RABL2A: variants seen among roughly 807,000 people sequenced by gnomAD.
RABL2A encodes RAB, member of RAS oncogene family like 2A.
In RABL2A, 17 loss-of-function variants were observed where a neutral mutation model predicts 30.7. That is an observed-to-expected ratio of 0.55 (90% CI 0.38 to 0.83). The LOEUF (loss-of-function observed/expected upper bound fraction) is 0.83, where lower values mean the gene tolerates loss of function less well. RABL2A is among the 40% of genes least tolerant of loss of function. RABL2A has a pLI of 0.00. For missense variants in RABL2A, 155 were observed against 272.6 expected, an observed-to-expected ratio of 0.57 and a Z score of 3.04; for synonymous variants, 64 against 101.8, an observed-to-expected ratio of 0.63 and a Z score of 2.24.
intron 5 of RABL2A, chr2:113,635,610 C>T (rs1739510): frequency 0.17 from 39,029 of 224,614 alleles, 4,838 homozygotes; most frequent in African/African-American, 0.37. Context: ...GCAGTCCTCA[C>T]GGCTCCACCC....
At position 113,627,664 on chromosome 2, in the gene RABL2A, G is replaced by A. The variant is rs541033492; in HGVS notation, c.-54+264G>A. On this transcript the variant is annotated intron_variant, in intron 1 of 8. Transcript: ENST00000683472. ...TCTTCGCCCGTAAGCGGTGGCTCAC[G>A]CCTATAGTCCAGGGATGCCGAGGAG... is the stretch of plus-strand genomic sequence containing the variant. Among the ~76,000 whole-genome samples the A allele has an allele frequency of 1.3e-3, 204 of 152,352 alleles. 1 individual carries two copies. The highest frequency in any genetic ancestry group is 0.013 in the Admixed American group (203 of 15,308).
rs1173650368 is a variant in RABL2A, at chr2:113,632,941, G to C, written c.134G>C (p.Gly45Ala). The C allele has an allele frequency of 6.2e-7, 1 of 1,614,072 alleles. No homozygotes were observed. The highest frequency in any genetic ancestry group is 8.5e-7 in the Non-Finnish European group (1 of 1,180,046). Reference sequence around the variant, plus strand: ...CTCATGGAGAGATTTCTCATGGATGGCTTGTATCCTTCAAGGTTTGAAGTA... The same window carrying C: ...CTCATGGAGAGATTTCTCATGGATGCCTTGTATCCTTCAAGGTTTGAAGTA... ...SKLMERFLMD[G>A]FQPQQLSTYA... Residue 45 changes from glycine to alanine, a missense_variant, in exon 3 of 9, where the codon GGC (glycine) becomes GCC (alanine). Gly to Ala is a moderately conservative substitution (Grantham distance 60). Transcript: ENST00000683472.
At position 113,632,950 on chromosome 2, in the gene RABL2A, C is replaced by T; in HGVS notation, c.137+6C>T. 6.2e-7 allele frequency: 1 copy of T among 1,614,212 alleles called. No homozygotes were observed. Among genetic ancestry groups the T allele is most frequent in the Non-Finnish European group, 8.5e-7 (1 of 1,180,042 alleles). ...AGATTTCTCATGGATGGCTTGTATCCTTCAAGGTTTGAAGTACTCCTTGTT... is the reference window on the plus strand; with the variant it reads ...AGATTTCTCATGGATGGCTTGTATCTTTCAAGGTTTGAAGTACTCCTTGTT... On this transcript the variant is annotated splice_donor_region_variant and intron_variant, in intron 3 of 8. Coordinates refer to ENST00000683472, the MANE Select transcript of RABL2A (RefSeq NM_001306158.2).
At chr2:113,635,457 C>G (rs539265779) in intron 5 of RABL2A, 1 of 408,880 alleles carries the variant, frequency 2.4e-6, no homozygotes, top group African/African-American at 2.0e-5. Flanking sequence ...GACAAGCTCC[C>G]AAGGCCTCCC....
chr2:113,630,105 A>C (rs1679754911), intron 2 of RABL2A, among the ~76,000 whole-genome samples: 1 of 152,216 alleles, frequency 6.6e-6, no homozygotes, highest in Non-Finnish European at 1.5e-5. Context: ...CCTCATTTCA[A>C]ACAGTAACAA....
chr2:113,641,312 C>G, intron 6 of RABL2A, 41 bp from the exon 7 acceptor site: 1 of 1,613,668 alleles, frequency 6.2e-7, no homozygotes, highest in African/African-American at 1.3e-5. Flanking sequence ...AAACCTTCTT[C>G]CCTTCCCTTG....
At chr2:113,638,302 G>T (rs1161306512) in intron 5 of RABL2A, 1 of 985,272 alleles carries the variant, frequency 1.0e-6, no homozygotes, top group Non-Finnish European at 1.2e-6. Context: ...CACCACACAG[G>T]GCGAGCCCCT....
At position 113,643,030 on chromosome 2, in the gene RABL2A, C is replaced by T. The variant is rs895903383; in HGVS notation, c.*901C>T. ...GAGCTCTTCTAGGTAAAGCTGAGAT[C>T]ACAGGAACAGCAGGTGACAGGCCTA... On this transcript the variant is annotated 3_prime_UTR_variant, in exon 9 of 9. Coordinates refer to ENST00000683472, the MANE Select transcript of RABL2A (RefSeq NM_001306158.2). 7.4e-6 allele frequency: 3 copies of T among 402,866 alleles called. No individual in the cohort carries two copies. Among genetic ancestry groups the T allele is most frequent in the Non-Finnish European group, 1.4e-5 (3 of 207,068 alleles). The allele number at this position is 402,866 out of a possible 1,614,324, so 25.0% of individuals were successfully genotyped here. A position where few individuals can be genotyped will look rare whatever the true frequency, so the allele number is the denominator to read the frequency against.
At chr2:113,638,744 T>G (rs1683923834) in intron 5 of RABL2A, 1 of 216,068 alleles carries the variant, frequency 4.6e-6, no homozygotes, top group South Asian at 1.7e-4. Context: ...GGCGCGCACC[T>G]GTAATCCAGC....
At chr2:113,629,002 A>G (rs1232673348) in intron 2 of RABL2A, among the ~76,000 whole-genome samples, 1 of 151,420 alleles carries the variant, frequency 6.6e-6, no homozygotes, top group East Asian at 2.0e-4. Flanking sequence ...GAGGGATGGC[A>G]AGGGCGGGGA....
chr2:113,636,192 A>T (rs917802613), intron 5 of RABL2A, among the ~76,000 whole-genome samples: 1 of 152,176 alleles, frequency 6.6e-6, no homozygotes, highest in Non-Finnish European at 1.5e-5. Context: ...AACCCTAGCA[A>T]TTGTCACCAA....
chr2:113,636,117 C>G (rs968828679), intron 5 of RABL2A, among the ~76,000 whole-genome samples: 1 of 151,480 alleles, frequency 6.6e-6, no homozygotes, highest in Non-Finnish European at 1.5e-5. Context: ...TAAAAAAAAC[C>G]CACATTTTCA....
At chr2:113,638,892 A>AAAATAAAT in intron 5 of RABL2A, among the ~76,000 whole-genome samples, 1 of 151,616 alleles carries the variant, frequency 6.6e-6, no homozygotes, top group African/African-American at 2.4e-5. Context: ...ACTCCATCTC[A>AAAATAAAT]AAATAAATAA....
intron 5 of RABL2A, chr2:113,638,678 A>T (rs1324027218): frequency 8.3e-6 from 4 of 483,362 alleles, no homozygotes; most frequent in Non-Finnish European, 1.1e-5. Context: ...GACCAGCCTG[A>T]CCAACATGTT....
At chr2:113,637,481 T>C in intron 5 of RABL2A, 3 of 1,126,364 alleles carry the variant, frequency 2.7e-6, no homozygotes, top group Non-Finnish European at 3.3e-6. Flanking sequence ...AGGAACTGAC[T>C]GACTGGTAGG....
intron 5 of RABL2A, among the ~76,000 whole-genome samples, chr2:113,635,740 TC>T (rs1682395590): frequency 6.6e-6 from 1 of 152,176 alleles, no homozygotes; most frequent in Non-Finnish European, 1.5e-5. Flanking sequence ...ACCCGTGAAT[TC>T]CCTGGCTGCG....
At position 113,628,397 on chromosome 2, in the gene RABL2A, C is replaced by G. The variant is rs566381615; in HGVS notation, c.-53-157C>G. On this transcript the variant is annotated intron_variant, in intron 1 of 8. Transcript: ENST00000683472. ...ATTTGTGTATAACATATTACTGATG[C>G]CTGTGTGTCATCCTCTGCTACTCCA... 6.3e-5 allele frequency: 33 copies of G among 519,954 alleles called. No individual in the cohort carries two copies. In the East Asian group the frequency reaches 1.2e-3, roughly 18 times the overall value. The allele number at this position is 519,954 out of a possible 1,614,324, so 32.2% of individuals were successfully genotyped here. A position where few individuals can be genotyped will look rare whatever the true frequency, so the allele number is the denominator to read the frequency against.
Position 113,634,184 on chromosome 2 carries a change from A to T in RABL2A, c.169A>T (p.Thr57Ser). 1.2e-6 allele frequency: 2 copies of T among 1,612,758 alleles called. No individual in the cohort carries two copies. Among genetic ancestry groups the T allele is most frequent in the South Asian group, 2.2e-5 (2 of 90,730 alleles). The change falls in exon 4 of 9, where the codon ACC (threonine) becomes TCC (serine). Residue 57 changes from threonine (T) to serine (S), a missense_variant. By Grantham distance (58) the Thr-to-Ser change is moderately conservative. This residue lies in a region of RABL2A where 82 missense variants were observed against 103.2 expected (regional missense o/e 0.79). Transcript: ENST00000683472. ...QPQQLSTYAL[T>S]LYKHTATVDG... ...ACAGCAGCTGTCCACGTACGCCCTG[A>T]CCCTGTACAAGCACACAGCCACGGT...
chr2:113,641,190 C>T, intron 6 of RABL2A, 163 bp from the exon 7 acceptor site: 6 of 1,177,988 alleles, frequency 5.1e-6, no homozygotes, highest in Non-Finnish European at 7.2e-6. Flanking sequence ...GCCGACCTGC[C>T]CTCTTTCCAA....
Sources: gnomAD v4.1 joint callset for allele counts (sites outside exome capture counted in the v4.1 genomes callset) on GRCh38, gnomAD v4.1.1 for gene constraint, gnomAD v4.1.1 regional missense constraint, MANE v1.5 for transcripts, NCBI Gene and HGNC (gene_info 2026-07-23, HGNC 2026-07-21) for gene names.